Variants in GALNT13 observed in about 807,000 individuals in gnomAD.
The protein encoded by GALNT13 is UDP-GalNAc:polypeptide N-acetylgalactosaminyltransferase 13.
GALNT13 carries 28 observed loss-of-function variants against 64.2 expected under a neutral mutation model. The observed-to-expected ratio is 0.44, with a 90% CI of 0.32 to 0.60. The LOEUF (loss-of-function observed/expected upper bound fraction) is 0.60. Among genes scored for constraint, GALNT13 ranks in the 20% least tolerant of loss-of-function variants. The probability of loss-of-function intolerance (pLI) is 0.05; values close to 1 mark genes in which losing one functional copy is unlikely to be tolerated. For missense variants in GALNT13, 577 were observed against 669.8 expected, an observed-to-expected ratio of 0.86 and a Z score of 1.53; for synonymous variants, 214 against 224.6, an observed-to-expected ratio of 0.95 and a Z score of 0.42.
At chr2:153,914,505 G>A (rs1689196026) in intron 2 of GALNT13, among the ~76,000 whole-genome samples, 1 of 142,488 alleles carries the variant, frequency 7.0e-6, no homozygotes, top group African/African-American at 2.6e-5. Flanking sequence ...AAAAAAAGAT[G>A]TTTGCTGTAT....
chr2:153,163,943 G>T, the GALNT13 span, among the ~76,000 whole-genome samples: 1 of 151,438 alleles, frequency 6.6e-6, no homozygotes, highest in East Asian at 1.9e-4. Flanking sequence ...GCGTGAACCC[G>T]GGAGGCAGAA....
At chr2:153,894,464 C>A (rs770138483) in intron 1 of GALNT13, among the ~76,000 whole-genome samples, 2 of 149,820 alleles carry the variant, frequency 1.3e-5, no homozygotes, top group African/African-American at 5.0e-5. Context: ...ATTTGTCATG[C>A]CTGTGATCGA....
At chr2:153,156,299 A>T in the GALNT13 span, among the ~76,000 whole-genome samples, 6 of 152,278 alleles carry the variant, frequency 3.9e-5, no homozygotes, top group South Asian at 1.2e-3. Flanking sequence ...TCATTTAATC[A>T]CCTCAAATCA....
chr2:154,255,435 A>C (rs1690319302), intron 7 of GALNT13, among the ~76,000 whole-genome samples: 1 of 152,188 alleles, frequency 6.6e-6, no homozygotes, highest in Non-Finnish European at 1.5e-5. Context: ...GGTTTAGGAT[A>C]GAACTTAATT....
intron 4 of GALNT13, among the ~76,000 whole-genome samples, chr2:154,225,195 T>C (rs150253993): frequency 6.8e-6 from 1 of 147,592 alleles, no homozygotes; most frequent in Non-Finnish European, 1.5e-5. Flanking sequence ...GATAGATAGA[T>C]ACAGAGACTG....
At chr2:153,084,436 T>C in the GALNT13 span, among the ~76,000 whole-genome samples, 1 of 152,222 alleles carries the variant, frequency 6.6e-6, no homozygotes, top group Non-Finnish European at 1.5e-5. Flanking sequence ...ATAGTTTTCC[T>C]TGTAGAAATC....
chr2:153,245,614 CT>C, the GALNT13 span, among the ~76,000 whole-genome samples: 4 of 152,022 alleles, frequency 2.6e-5, no homozygotes, highest in Non-Finnish European at 4.4e-5. Context: ...ACCTCCCCCC[CT>C]CCCAACACAC....
At chr2:153,581,794 A>G in the GALNT13 span, among the ~76,000 whole-genome samples, 1 of 152,110 alleles carries the variant, frequency 6.6e-6, no homozygotes, top group Non-Finnish European at 1.5e-5. Flanking sequence ...TTGCTCTCAG[A>G]GAGCATTTTG....
At chr2:154,234,333 A>T (rs1162455402) in intron 4 of GALNT13, among the ~76,000 whole-genome samples, 2 of 152,162 alleles carry the variant, frequency 1.3e-5, no homozygotes, top group Admixed American at 6.6e-5. Context: ...TCATTCCATT[A>T]TAATTTCATA....
At chr2:154,085,726 C>T (rs910327885) in intron 3 of GALNT13, among the ~76,000 whole-genome samples, 4 of 151,940 alleles carry the variant, frequency 2.6e-5, no homozygotes, top group Admixed American at 1.3e-4. Flanking sequence ...TCCTCACTGA[C>T]CGATTTTCTT....
At chr2:154,396,996 T>C (rs1230628290) in intron 10 of GALNT13, among the ~76,000 whole-genome samples, 1 of 150,592 alleles carries the variant, frequency 6.6e-6, no homozygotes, top group Admixed American at 6.7e-5. Context: ...TGATTATATA[T>C]AATATATTCC....
chr2:153,187,838 A>C, the GALNT13 span, among the ~76,000 whole-genome samples: 1 of 152,180 alleles, frequency 6.6e-6, no homozygotes, highest in Non-Finnish European at 1.5e-5. Flanking sequence ...ATTCTAAACA[A>C]AATATTAACA....
the GALNT13 span, among the ~76,000 whole-genome samples, chr2:153,198,173 T>C: frequency 6.6e-6 from 1 of 152,162 alleles, no homozygotes; most frequent in Non-Finnish European, 1.5e-5. Flanking sequence ...TGCTGGGGGC[T>C]GGGCTTTCAA....
chr2:153,924,234 C>T (rs1220631868), intron 2 of GALNT13, among the ~76,000 whole-genome samples: 1 of 149,336 alleles, frequency 6.7e-6, no homozygotes, highest in Admixed American at 6.7e-5. Context: ...CAGATAGTCC[C>T]TGGTGTATCT....
the GALNT13 span, among the ~76,000 whole-genome samples, chr2:153,419,543 G>A: frequency 1.3e-5 from 2 of 152,216 alleles, no homozygotes; most frequent in Non-Finnish European, 2.9e-5. Flanking sequence ...AGGGAGGGAA[G>A]TAGACAAGGA....
the GALNT13 span, among the ~76,000 whole-genome samples, chr2:153,861,664 T>C: frequency 0.82 from 123,755 of 150,342 alleles, 52,125 homozygotes; most frequent in Non-Finnish European, 0.9. Flanking sequence ...CCTCCTAGAT[T>C]CAAGCGATTC....
intron 3 of GALNT13, among the ~76,000 whole-genome samples, chr2:154,066,563 G>A (rs918453637): frequency 5.3e-5 from 8 of 151,950 alleles, no homozygotes; most frequent in African/African-American, 1.9e-4. Flanking sequence ...CAGGCCAGGA[G>A]AGAATGAAAT....
chr2:153,351,561 T>A, the GALNT13 span, among the ~76,000 whole-genome samples: 8 of 138,584 alleles, frequency 5.8e-5, no homozygotes, highest in East Asian at 1.5e-3. Flanking sequence ...AAATCCATTC[T>A]TTTAGAATCA....
the GALNT13 span, among the ~76,000 whole-genome samples, chr2:153,714,812 T>C: frequency 6.6e-6 from 1 of 152,142 alleles, no homozygotes; most frequent in Non-Finnish European, 1.5e-5. Context: ...ATCTAGAGTA[T>C]AAAGAAAAAG....
Sources: allele counts gnomAD v4.1 joint callset (sites outside exome capture counted in the v4.1 genomes callset), GRCh38; gene constraint gnomAD v4.1.1; transcripts MANE v1.5; gene names NCBI Gene and HGNC (gene_info 2026-07-23, HGNC 2026-07-21).